The following CPNE8 variants were observed in gnomAD, a reference collection of about 807,000 sequenced individuals.
The protein encoded by CPNE8 is copine-8.
Under a neutral mutation model 81.5 loss-of-function variants are expected in CPNE8, and 45 were observed. The observed-to-expected ratio is 0.55, with a 90% confidence interval of 0.44 to 0.71. CPNE8 has a LOEUF of 0.71. CPNE8 is among the 30% of genes least tolerant of loss of function. The probability of loss-of-function intolerance (pLI) is 0.00; values close to 1 mark genes in which losing one functional copy is unlikely to be tolerated. For missense variants in CPNE8, 594 were observed against 672.1 expected (o/e 0.88, Z 1.28); for synonymous variants, 252 against 226.3 (o/e 1.11, Z -1.02).
chr12:38,861,670 T>C (rs948047103), intron 3 of CPNE8, among the ~76,000 whole-genome samples: 1 of 152,124 alleles, frequency 6.6e-6, no homozygotes, highest in Admixed American at 6.5e-5. Context: ...AAAAATGGAA[T>C]AATATATTAA....
intron 10 of CPNE8, among the ~76,000 whole-genome samples, chr12:38,756,183 A>G (rs1444734191): frequency 6.6e-6 from 1 of 152,254 alleles, no homozygotes; most frequent in East Asian, 1.9e-4. Context: ...TGCTTCTTAT[A>G]GAATTAATTT....
intron 7 of CPNE8, among the ~76,000 whole-genome samples, chr12:38,771,731 A>C (rs2136878906): frequency 6.6e-6 from 1 of 152,342 alleles, no homozygotes; most frequent in Admixed American, 6.5e-5. Flanking sequence ...AAGAAAACAT[A>C]GAGCCTTGTG....
At chr12:38,815,433 T>C (rs1052973257) in intron 6 of CPNE8, among the ~76,000 whole-genome samples, 3 of 152,334 alleles carry the variant, frequency 2.0e-5, no homozygotes, top group Admixed American at 6.5e-5. Context: ...GCTTTTCACA[T>C]GTCATTCAAT....
chr12:38,668,168 AC>A (rs1273366584), intron 19 of CPNE8, among the ~76,000 whole-genome samples: 1 of 152,192 alleles, frequency 6.6e-6, no homozygotes, highest in Admixed American at 6.5e-5. Context: ...TTGGTAAGTA[AC>A]AAAGTATTTT....
chr12:38,784,553 A>G (rs1942131776), intron 6 of CPNE8, among the ~76,000 whole-genome samples: 1 of 152,150 alleles, frequency 6.6e-6, no homozygotes, highest in Non-Finnish European at 1.5e-5. Flanking sequence ...TTTAACCCAA[A>G]GAAGACTACC....
Position 38,702,919 on chromosome 12 carries a change from G to A in CPNE8, c.917C>T (p.Thr306Met), listed in dbSNP as rs143462849. The A allele has an allele frequency of 5.1e-5, 81 of 1,577,574 alleles. No individual in the cohort carries two copies. The African/African-American group carries it at 5.4e-4, about 11-fold the overall frequency. Residue 306 changes from threonine (T) to methionine (M), a missense_variant and splice_region_variant, in exon 14 of 20, where the codon ACG becomes ATG. By Grantham distance (81) the Thr-to-Met change is moderately conservative. Coordinates refer to ENST00000331366, the MANE Select transcript of CPNE8 (RefSeq NM_153634.3). ...AATAGCCACTGTGAAATTGATTTGC[G>A]TCCTGGAATAGAAGTAAACAAGACT... is the stretch of plus-strand genomic sequence containing the variant. ...VSFLDYIKGG[T>M]QINFTVAIDF...
Position 38,812,968 on chromosome 12 carries a change from A to C in CPNE8, c.407+16411T>G, listed in dbSNP as rs145839425. Reference sequence around the variant, plus strand: ...TTATAGCAGTACAAAATAGACTAAGAGAAGTACCTTTCCGACATAGGGAGC... The same window carrying C: ...TTATAGCAGTACAAAATAGACTAAGCGAAGTACCTTTCCGACATAGGGAGC... On this transcript the variant is annotated intron_variant, in intron 6 of 19. Transcript: ENST00000331366. Among the ~76,000 whole-genome samples, 1,427 of 152,322 alleles carry C rather than the reference A, an allele frequency of 9.4e-3. 20 individuals are homozygous for C. Among genetic ancestry groups the C allele is most frequent in the South Asian group, 0.04 (195 of 4,826 alleles).
chr12:38,803,661 A>C (rs1942745026), intron 6 of CPNE8, among the ~76,000 whole-genome samples: 1 of 149,446 alleles, frequency 6.7e-6, no homozygotes, highest in Admixed American at 6.7e-5. Flanking sequence ...TGGCCAGGGC[A>C]ATCAGGCAGG....
At chr12:38,797,184 G>C (rs1229342493) in intron 6 of CPNE8, among the ~76,000 whole-genome samples, 1 of 152,196 alleles carries the variant, frequency 6.6e-6, no homozygotes, top group Non-Finnish European at 1.5e-5. Context: ...TGACAGCTTT[G>C]AACAGAGCAG....
intron 8 of CPNE8, among the ~76,000 whole-genome samples, chr12:38,764,005 G>C (rs1162448086): frequency 6.6e-6 from 1 of 151,984 alleles, no homozygotes; most frequent in Non-Finnish European, 1.5e-5. Flanking sequence ...TTTATTACAA[G>C]ACTTAACGGC....
At chr12:38,827,740 G>A (rs891028995) in intron 6 of CPNE8, among the ~76,000 whole-genome samples, 1 of 152,130 alleles carries the variant, frequency 6.6e-6, no homozygotes, top group African/African-American at 2.4e-5. Flanking sequence ...AATACCACAT[G>A]TTCTCACTTA....
At chr12:38,724,717 C>T in intron 12 of CPNE8, 129 bp downstream of exon 12, 1 of 596,666 alleles carries the variant, frequency 1.7e-6, no homozygotes, top group Non-Finnish European at 2.8e-6. Context: ...TGTGTTCCTT[C>T]ATATTAAAAC....
intron 6 of CPNE8, among the ~76,000 whole-genome samples, chr12:38,802,832 C>T (rs1390014966): frequency 1.4e-5 from 2 of 140,196 alleles, no homozygotes; most frequent in Non-Finnish European, 3.1e-5. Context: ...GATATCACCA[C>T]CGATCCCACA....
At chr12:38,871,631 A>G (rs1027726573) in intron 3 of CPNE8, among the ~76,000 whole-genome samples, 12 of 152,240 alleles carry the variant, frequency 7.9e-5, no homozygotes, top group Admixed American at 7.2e-4. Context: ...TTATCCAAGC[A>G]TGGATTTTTC....
At chr12:38,853,328 C>G (rs12423003) in intron 3 of CPNE8, among the ~76,000 whole-genome samples, 13 of 151,422 alleles carry the variant, frequency 8.6e-5, no homozygotes, top group African/African-American at 2.9e-4. Flanking sequence ...TGTTATACAC[C>G]CAGAAACAGC....
At chr12:38,717,430 T>TATAC (rs1940428587) in intron 13 of CPNE8, among the ~76,000 whole-genome samples, 1 of 51,692 alleles carries the variant, frequency 1.9e-5, no homozygotes, top group Admixed American at 2.8e-4. Flanking sequence ...AAGTGTGGTG[T>TATAC]ATATATATAT....
intron 6 of CPNE8, among the ~76,000 whole-genome samples, chr12:38,806,072 A>G (rs1449504654): frequency 1.3e-5 from 2 of 150,422 alleles, no homozygotes; most frequent in Non-Finnish European, 3.0e-5. Flanking sequence ...GAATCTCTGA[A>G]TAGACCAATA....
chr12:38,674,159 C>G (rs1939237982), intron 18 of CPNE8, among the ~76,000 whole-genome samples: 1 of 152,040 alleles, frequency 6.6e-6, no homozygotes, highest in Non-Finnish European at 1.5e-5. Flanking sequence ...ATAGCTGTGG[C>G]TATTGGATAA....
At chr12:38,828,879 A>T (rs986442214) in intron 6 of CPNE8, among the ~76,000 whole-genome samples, 1 of 152,136 alleles carries the variant, frequency 6.6e-6, no homozygotes, top group African/African-American at 2.4e-5. Flanking sequence ...ACTAAACATG[A>T]TCCTAGTAAT....
Sources: allele counts gnomAD v4.1 joint callset (sites outside exome capture counted in the v4.1 genomes callset), GRCh38; gene constraint gnomAD v4.1.1; transcripts MANE v1.5; gene names NCBI Gene and HGNC (gene_info 2026-07-23, HGNC 2026-07-21).